Variants in MCF2L observed in about 807,000 individuals in gnomAD.
The protein encoded by MCF2L is guanine nucleotide exchange factor DBS.
A neutral mutation model predicts 153.4 loss-of-function variants in MCF2L; 97 were observed. That is an observed-to-expected ratio of 0.63 (90% confidence interval 0.54 to 0.75). The LOEUF is 0.75. MCF2L is among the 30% of genes least tolerant of loss of function. MCF2L has a pLI of 0.00. For missense variants in MCF2L, 1,347 were observed against 1,495.2 expected (o/e 0.90, Z 1.64); for synonymous variants, 659 against 632.2 (o/e 1.04, Z -0.64).
intron 4 of MCF2L, among the ~76,000 whole-genome samples, chr13:113,057,584 G>GTGTGTGTTTGGGTGC (rs2030329291): frequency 7.2e-6 from 1 of 139,252 alleles, no homozygotes; most frequent in Non-Finnish European, 1.5e-5. Context: ...TGTTTGAGTG[G>GTGTGTGTTTGGGTGC]TGTGTGTTTG....
intron 1 of MCF2L, among the ~76,000 whole-genome samples, chr13:112,995,404 T>C (rs552534334): frequency 5.5e-4 from 84 of 152,346 alleles, no homozygotes; most frequent in Admixed American, 2.1e-3. Flanking sequence ...TATGAGAGCT[T>C]AGGGCAGCAT....
At chr13:112,913,377 C>T (rs1333786169) in intron 2 of MCF2L, among the ~76,000 whole-genome samples, 1 of 152,004 alleles carries the variant, frequency 6.6e-6, no homozygotes, top group African/African-American at 2.4e-5. Context: ...TATCACTCAC[C>T]TCACCTGGCA....
intron 26 of MCF2L, chr13:113,090,139 G>T: frequency 6.5e-7 from 1 of 1,543,362 alleles, no homozygotes; most frequent in Non-Finnish European, 8.7e-7. Flanking sequence ...GCAGGGTTTT[G>T]CTAACCTCAA....
intron 13 of MCF2L, 118 bp from the exon 14 acceptor site, chr13:113,078,245 C>T (rs1006330788): frequency 1.9e-5 from 15 of 800,424 alleles, no homozygotes; most frequent in South Asian, 6.1e-5. Flanking sequence ...CACGCCACCA[C>T]CTGTGGCCTC....
At chr13:113,052,221 A>G (rs1390274067) in intron 4 of MCF2L, among the ~76,000 whole-genome samples, 12 of 152,178 alleles carry the variant, frequency 7.9e-5, no homozygotes, top group African/African-American at 2.7e-4. Flanking sequence ...ACATTTTTTT[A>G]AAAAGATAAA....
At chr13:113,095,635 G>A in intron 27 of MCF2L, 1 of 993,414 alleles carries the variant, frequency 1.0e-6, no homozygotes, top group South Asian at 4.6e-5. Flanking sequence ...AGGTGGCCCA[G>A]TCACCGTCCT....
rs2085714855 is a variant in MCF2L, at chr13:113,031,429, AG to A, written c.278+6676del. Among the ~76,000 whole-genome samples, 1 of 152,150 alleles carries A rather than the reference AG, an allele frequency of 6.6e-6. No individual in the cohort carries two copies. Among genetic ancestry groups the A allele is most frequent in the African/African-American group, 2.4e-5 (1 of 41,432 alleles). ...CATCTTTGGGGGCAGCGAACGCACC[AG>A]GGGGCAGGACAGAGTGCCGGGGAGT... On this transcript the variant is annotated intron_variant, in intron 3 of 29. Coordinates refer to ENST00000535094, the MANE Select transcript of MCF2L (RefSeq NM_001112732.3). This position sits in a 1 kb window ranked among gnomAD's most constrained non-coding sequence, Gnocchi z 5.5.
chr13:113,084,566 T>C (rs2034454314), intron 18 of MCF2L: 3 of 417,290 alleles, frequency 7.2e-6, no homozygotes, highest in Middle Eastern at 6.4e-4. Context: ...AGTTCTATTA[T>C]ATAAACAAAT....
At position 113,046,412 on chromosome 13, in the gene MCF2L, C is replaced by A. The variant is rs115114795; in HGVS notation, c.369+1051C>A. On this transcript the variant is annotated intron_variant, in intron 4 of 29. Coordinates refer to ENST00000535094, the MANE Select transcript of MCF2L (RefSeq NM_001112732.3). This position sits in a 1 kb window ranked among gnomAD's most constrained non-coding sequence, Gnocchi z 4.4. ...GCTCCAAGCATTCCCCAGCACCAAA[C>A]CCCAGTGAAGTCAGATTCTCCCAGT... 1.7e-3 allele frequency: 738 copies of A among 445,288 alleles called. 7 individuals are homozygous for A. The highest frequency in any genetic ancestry group is 0.013 in the African/African-American group (655 of 49,036). 27.6% of individuals were successfully genotyped at this position (445,288 alleles called of 1,614,324 possible). A position where few individuals can be genotyped will look rare whatever the true frequency, so the allele number is the denominator to read the frequency against.
At chr13:112,916,460 G>T (rs909318510) in intron 2 of MCF2L, among the ~76,000 whole-genome samples, 5 of 152,108 alleles carry the variant, frequency 3.3e-5, no homozygotes, top group African/African-American at 1.2e-4. Flanking sequence ...GGGAGGTGGT[G>T]GGATGAGTCT....
chr13:113,030,818 C>G (rs1284784709), intron 3 of MCF2L, among the ~76,000 whole-genome samples: 4 of 152,112 alleles, frequency 2.6e-5, no homozygotes, highest in African/African-American at 7.2e-5. Context: ...GTATGGCCCC[C>G]TTAGAACCAC....
At position 112,960,949 on chromosome 13, in the gene MCF2L, C is replaced by T. The variant is rs556321524; in HGVS notation, c.170-53814C>T. 6.6e-6 allele frequency among the ~76,000 whole-genome samples: 1 copy of T among 152,266 alleles called. No individual in the cohort carries two copies. The highest frequency in any genetic ancestry group is 6.5e-5 in the Admixed American group (1 of 15,308). On this transcript the variant is annotated intron_variant, in intron 2 of 29. Coordinates refer to the MCF2L transcript ENST00000375608. This position sits in a 1 kb window ranked among gnomAD's most constrained non-coding sequence, Gnocchi z 4.2. ...TACCGTGAGTGACTGCAGGCCGTGC[C>T]GCAGCTCAAGTGGGGGCCCCTGAGG...
At chr13:112,931,741 T>C (rs1345365115) in intron 2 of MCF2L, among the ~76,000 whole-genome samples, 2 of 152,000 alleles carry the variant, frequency 1.3e-5, no homozygotes, top group African/African-American at 4.8e-5. Flanking sequence ...GTATGCAAGA[T>C]GAGACTGGAT....
chr13:112,990,227 G>A (rs12868277), intron 1 of MCF2L, among the ~76,000 whole-genome samples: 20,270 of 152,194 alleles, frequency 0.13, 1,821 homozygotes, highest in Non-Finnish European at 0.2. Flanking sequence ...CACACCCTTC[G>A]TCACTTTCTT....
rs140214477 is a variant in MCF2L at position 113,063,465 on chromosome 13, G to A, written c.490-839G>A. On this transcript the variant is annotated intron_variant, in intron 5 of 29. Transcript: ENST00000535094. Reference sequence around the variant, plus strand: ...TTCAGGCGTCCCTGTCCACACAGCCGCCCACAGCGTTCAGGCGTCCCTGTC... The same window carrying A: ...TTCAGGCGTCCCTGTCCACACAGCCACCCACAGCGTTCAGGCGTCCCTGTC... Among the ~76,000 whole-genome samples, 462 of 149,006 alleles carry A rather than the reference G, an allele frequency of 3.1e-3. 23 individuals carry two copies. The East Asian group carries it at 0.073, about 24-fold the overall frequency.
At chr13:113,042,646 A>C (rs1376403689) in intron 3 of MCF2L, 1 of 152,218 alleles carries the variant, frequency 6.6e-6, no homozygotes, top group Non-Finnish European at 1.5e-5. Context: ...GTGAGAAGCC[A>C]GATGTGGGAG....
rs79805653 is a variant in MCF2L at position 112,927,469 on chromosome 13, A to G, written c.169+25098A>G. On this transcript the variant is annotated intron_variant, in intron 2 of 29. Transcript: ENST00000375608. ...GAGAAGATCTGGAGGTCTTTGGATA[A>G]ATGACCGGGTCTGGGGAAAAATGTT... is the stretch of plus-strand genomic sequence containing the variant. 2.1e-3 allele frequency among the ~76,000 whole-genome samples: 316 copies of G among 152,258 alleles called. 5 individuals are homozygous for G. In the East Asian group the frequency reaches 0.033, roughly 16 times the overall value.
In MCF2L at chr13:112,945,870, A is replaced by G. The variant is rs139377876; in HGVS notation, c.169+43499A>G. ...ATGGTGAATTGATGAGGAGGGGCCCATGGAGAGATGGGTTTGTGCCGTGTA... is the reference window on the plus strand; with the variant it reads ...ATGGTGAATTGATGAGGAGGGGCCCGTGGAGAGATGGGTTTGTGCCGTGTA... On this transcript the variant is annotated intron_variant, in intron 2 of 29. Coordinates refer to the MCF2L transcript ENST00000375608. 5.2e-3 allele frequency among the ~76,000 whole-genome samples: 796 copies of G among 152,344 alleles called. 21 individuals carry two copies. The highest frequency in any genetic ancestry group is 3.8e-3 in the Non-Finnish European group (257 of 68,026).
rs1171246300 is a variant in MCF2L, at chr13:113,066,050, A to G, written c.761A>G (p.Asp254Gly). The change falls in exon 8 of 30, where the codon GAT (aspartate) becomes GGT (glycine). Residue 254 changes from aspartate (D) to glycine (G), a missense_variant. Asp to Gly is a moderately conservative substitution (Grantham distance 94, BLOSUM62 -1). Around this residue, in one of 3 missense-constraint regions of MCF2L, gnomAD observed 820 missense variants for 921.2 expected, o/e 0.89. Coordinates refer to ENST00000535094, the MANE Select transcript of MCF2L (RefSeq NM_001112732.3). Reference protein sequence around the residue: ...HTEKKDKAKEDLRLALKEGHS... With the variant: ...HTEKKDKAKEGLRLALKEGHS... Reference sequence around the variant, plus strand: ...GAGGCTGCATTCTCTCCACAGGAGGATTTGAGGCTGGCACTGAAAGAGGGG... The same window carrying G: ...GAGGCTGCATTCTCTCCACAGGAGGGTTTGAGGCTGGCACTGAAAGAGGGG... 1 of 1,612,930 alleles carries G rather than the reference A, an allele frequency of 6.2e-7. No homozygotes were observed. The highest frequency in any genetic ancestry group is 8.5e-7 in the Non-Finnish European group (1 of 1,179,824).
Sources: allele counts gnomAD v4.1 joint callset (sites outside exome capture counted in the v4.1 genomes callset), GRCh38; gene constraint gnomAD v4.1.1; regional missense constraint gnomAD v4.1.1; non-coding constraint Gnocchi (gnomAD v3.1); transcripts MANE v1.5; gene names NCBI Gene and HGNC (gene_info 2026-07-23, HGNC 2026-07-21).